Variants in ATM observed in about 807,000 individuals in gnomAD.
ATM encodes the protein serine-protein kinase ATM.
ATM carries 308 observed loss-of-function variants against 387.0 expected under a neutral mutation model. That is an observed-to-expected ratio of 0.80 (90% confidence interval 0.73 to 0.87). The LOEUF is 0.87. Ranked by LOEUF, ATM falls within the 40% of genes least tolerant of loss-of-function variation. ATM has a pLI of 0.00. For synonymous variants in ATM, 1,156 were observed against 1,187.3 expected (o/e 0.97, Z 0.54); for missense variants, 3,312 against 3,560.9 (o/e 0.93, Z 1.78).
At chr11:108,293,279 T>C (rs1291096849) in intron 30 of ATM, 34 bp from the exon 31 acceptor site, 2 of 1,282,666 alleles carry the variant, frequency 1.6e-6, no homozygotes, top group East Asian at 2.6e-5. Context: ...ATTATTTCTC[T>C]CCTTATAATT....
chr11:108,268,286 A>T (rs2135520603), intron 17 of ATM, 124 bp from the exon 18 acceptor site: 2 of 799,954 alleles, frequency 2.5e-6, no homozygotes, highest in East Asian at 2.5e-5. Flanking sequence ...GTATATAATT[A>T]ATTTCACTAT....
At chr11:108,286,245 G>A (rs1192178896) in intron 26 of ATM, among the ~76,000 whole-genome samples, 1 of 147,758 alleles carries the variant, frequency 6.8e-6, no homozygotes, top group East Asian at 2.0e-4. Flanking sequence ...CCCGGGAGGT[G>A]GAGGTTGCAG....
chr11:108,228,528 C>G (rs1565345796), intron 3 of ATM, among the ~76,000 whole-genome samples: 1 of 152,158 alleles, frequency 6.6e-6, no homozygotes, highest in Non-Finnish European at 1.5e-5. Flanking sequence ...CATTTGTAGT[C>G]AAGAGGAAGT....
intron 56 of ATM, among the ~76,000 whole-genome samples, chr11:108,342,945 G>A (rs566345036): frequency 6.6e-5 from 10 of 152,254 alleles, no homozygotes; most frequent in Non-Finnish European, 1.0e-4. Context: ...GACAGATGAC[G>A]GTGAGTATAG....
chr11:108,345,027 G>A (rs2088137790), intron 57 of ATM, among the ~76,000 whole-genome samples: 1 of 152,030 alleles, frequency 6.6e-6, no homozygotes, highest in Non-Finnish European at 1.5e-5. Context: ...AAATGTTGGA[G>A]AAAAGGAGTA....
At chr11:108,248,813 G>T in intron 8 of ATM, 120 bp from the exon 9 acceptor site, 2 of 805,522 alleles carry the variant, frequency 2.5e-6, no homozygotes, top group Non-Finnish European at 3.8e-6. Context: ...ACTTGAACCT[G>T]GGAGGTAGAG....
intron 5 of ATM, among the ~76,000 whole-genome samples, chr11:108,240,997 T>C (rs1043759375): frequency 1.3e-5 from 2 of 152,202 alleles, no homozygotes; most frequent in African/African-American, 4.8e-5. Context: ...TATATACTTA[T>C]AGATGTTTTT....
At chr11:108,235,922 C>A (rs1250995803) in intron 5 of ATM, 88 bp downstream of exon 5, 2 of 1,443,996 alleles carry the variant, frequency 1.4e-6, no homozygotes, top group Non-Finnish European at 1.9e-6. Context: ...CTGTCTATAT[C>A]CCCCAAGTGA....
Position 108,335,030 on chromosome 11 carries a change from G to A in ATM, c.8072G>A (p.Arg2691His), listed in dbSNP as rs876658385. Residue 2691 changes from arginine (R) to histidine (H), a missense_variant, in exon 55 of 63, where the codon CGC becomes CAC. By Grantham distance (29) the Arg-to-His change is conservative (BLOSUM62 0). Transcript: ENST00000675843. ...ATACAGTCATTTAAAGCAGAATTTC[G>A]CTTAGCAGGAGGTGTAAATTTACCA... Reference protein sequence around the residue: ...VTIQSFKAEFRLAGGVNLPKI... With the variant: ...VTIQSFKAEFHLAGGVNLPKI... The A allele has an allele frequency of 6.8e-6, 11 of 1,613,794 alleles. No individual in the cohort carries two copies. The highest frequency in any genetic ancestry group is 4.4e-5 in the South Asian group (4 of 91,080).
rs184171041 is a variant in ATM at position 108,254,472 on chromosome 11, C to T, written c.2124+433C>T. 7.6e-4 allele frequency among the ~76,000 whole-genome samples: 115 copies of T among 152,226 alleles called. 1 individual carries two copies. The highest frequency in any genetic ancestry group is 2.5e-3 in the African/African-American group (105 of 41,554). On this transcript the variant is annotated intron_variant, in intron 13 of 62. Transcript: ENST00000675843. ...TAAATGGACTAGCAATTATTTTAGA[C>T]GTCATCTAGGAATTTCCTTTAGCCT...
chr11:108,315,789 C>G, intron 40 of ATM, 34 bp from the exon 41 acceptor site: 1 of 1,547,762 alleles, frequency 6.5e-7, no homozygotes, highest in South Asian at 1.1e-5. Context: ...GATTTTTTTT[C>G]CTTCTTCAAT....
intron 45 of ATM, among the ~76,000 whole-genome samples, chr11:108,323,525 A>G (rs1186060572): frequency 6.6e-6 from 1 of 152,188 alleles, no homozygotes; most frequent in Non-Finnish European, 1.5e-5. Context: ...AATTTACTGT[A>G]TATTTTTAAA....
At chr11:108,231,401 T>TA (rs1281751287) in intron 4 of ATM, 2 of 151,976 alleles carry the variant, frequency 1.3e-5, no homozygotes, top group Admixed American at 1.3e-4. Context: ...ACTCTTAATT[T>TA]AAGAATCAGG....
At chr11:108,353,676 G>C in intron 59 of ATM, 90 bp from the exon 60 acceptor site, 4 of 1,052,560 alleles carry the variant, frequency 3.8e-6, no homozygotes, top group Non-Finnish European at 5.9e-6. Flanking sequence ...GTAACATGTG[G>C]TTTCTTGCCT....
chr11:108,229,377 A>ATT, intron 4 of ATM, 54 bp downstream of exon 4: 50 of 1,092,056 alleles, frequency 4.6e-5, no homozygotes, highest in Middle Eastern at 2.8e-4. Context: ...CTGTCGCGTG[A>ATT]GTTTTTTTTT....
In ATM at chr11:108,343,309, G is replaced by A. The variant is rs1167044647; in HGVS notation, c.8356G>A (p.Gly2786Ser). 1 of 1,613,998 alleles carries A rather than the reference G, an allele frequency of 6.2e-7. No individual in the cohort carries two copies. Among genetic ancestry groups the A allele is most frequent in the Middle Eastern group, 1.7e-4 (1 of 6,060 alleles). ...IGEFLVNNED[G>S]AHKRYRPNDF... ...TGAATTTCTTGTTAACAATGAAGAT[G>A]GTGCTCATAAAAGATACAGGCCAAA... Residue 2786 changes from glycine (G) to serine (S), a missense_variant, in exon 57 of 63, where the codon GGT becomes AGT. By Grantham distance (56) the Gly-to-Ser change is moderately conservative. This residue lies in a region of ATM where 1,405 missense variants were observed against 1,604.4 expected (regional missense o/e 0.88). Transcript: ENST00000675843.
chr11:108,233,784 C>T (rs978616099), intron 4 of ATM, among the ~76,000 whole-genome samples: 1 of 151,700 alleles, frequency 6.6e-6, no homozygotes, highest in African/African-American at 2.4e-5. Context: ...GAGGTCAAGG[C>T]TGCAGTGAGT....
intron 4 of ATM, among the ~76,000 whole-genome samples, chr11:108,233,690 T>TA (rs1182227981): frequency 2.0e-5 from 3 of 150,324 alleles, no homozygotes; most frequent in African/African-American, 7.3e-5. Flanking sequence ...TTAAAAAAAC[T>TA]AAAAAAATTA....
Position 108,331,853 on chromosome 11 carries a change from TA to T in ATM, c.7630-23del, listed in dbSNP as rs771236363. The T allele has an allele frequency of 4.6e-5, 74 of 1,610,438 alleles. 1 individual carries two copies. In the South Asian group the frequency reaches 7.7e-4, roughly 17 times the overall value. On this transcript the variant is annotated intron_variant, in intron 51 of 62. Transcript: ENST00000675843. ...GATTATATTTTTTTGTTTATTTGCA[TA>T]AATCTAATAGTTCTTTTCTTACAGC...
Sources: allele counts gnomAD v4.1 joint callset (sites outside exome capture counted in the v4.1 genomes callset), GRCh38; gene constraint gnomAD v4.1.1; regional missense constraint gnomAD v4.1.1; transcripts MANE v1.5; gene names NCBI Gene and HGNC (gene_info 2026-07-23, HGNC 2026-07-21).